The following HECTD2 variants were observed in gnomAD, a reference collection of about 807,000 sequenced individuals.
The protein encoded by HECTD2 is HECT domain E3 ubiquitin protein ligase 2, also known as probable E3 ubiquitin-protein ligase HECTD2.
A neutral mutation model predicts 103.2 loss-of-function variants in HECTD2; 35 were observed. That is an observed-to-expected ratio of 0.34 (90% CI 0.26 to 0.45). The LOEUF (loss-of-function observed/expected upper bound fraction) is 0.45. HECTD2 is among the 20% of genes least tolerant of loss of function. The pLI is 1.00. For missense variants in HECTD2, 596 were observed against 937.4 expected, an observed-to-expected ratio of 0.64 and a Z score of 4.76; for synonymous variants, 281 against 329.9, an observed-to-expected ratio of 0.85 and a Z score of 1.61.
chr10:91,449,763 G>T (rs1844715144), intron 2 of HECTD2, among the ~76,000 whole-genome samples: 1 of 151,636 alleles, frequency 6.6e-6, no homozygotes, highest in South Asian at 2.1e-4. Context: ...AATCATGAGT[G>T]ACCCCCATTC....
rs916181117 is a variant in HECTD2 at position 91,443,491 on chromosome 10, A to T, written c.269-16936A>T. Among the ~76,000 whole-genome samples the T allele has an allele frequency of 5.9e-5, 9 of 151,504 alleles. No homozygotes were observed. The East Asian group carries it at 1.7e-3, about 29-fold the overall frequency. On this transcript the variant is annotated intron_variant, in intron 2 of 20. Coordinates refer to ENST00000298068, the MANE Select transcript of HECTD2 (RefSeq NM_182765.6). Reference sequence around the variant, plus strand: ...GGGGCACCTGCCAGATGCCAGCTGGAGCTCCCCTGTATGTGGTGTTGGTCA... The same window carrying T: ...GGGGCACCTGCCAGATGCCAGCTGGTGCTCCCCTGTATGTGGTGTTGGTCA...
At chr10:91,504,079 A>T (rs975109263) in intron 20 of HECTD2, among the ~76,000 whole-genome samples, 7 of 152,144 alleles carry the variant, frequency 4.6e-5, no homozygotes, top group African/African-American at 1.7e-4. Flanking sequence ...GTCTGTTAGA[A>T]GGAAAACTAA....
intron 1 of HECTD2, among the ~76,000 whole-genome samples, chr10:91,412,217 G>C (rs2068725): frequency 0.014 from 2,197 of 152,254 alleles, 49 homozygotes; most frequent in African/African-American, 0.05. Flanking sequence ...AAGGGAAAAA[G>C]TCAGTAGCGT....
chr10:91,413,830 T>C (rs1020107094), intron 1 of HECTD2, among the ~76,000 whole-genome samples: 3 of 152,160 alleles, frequency 2.0e-5, no homozygotes, highest in African/African-American at 7.2e-5. Context: ...AGGCTCAAGA[T>C]GGAGCCCTCA....
chr10:91,483,023 G>C lies in HECTD2; in HGVS notation c.768G>C (p.Gln256His). The change falls in exon 8 of 21, where the codon CAG (glutamine) becomes CAC (histidine). Residue 256 changes from glutamine to histidine, a missense_variant. Gln to His is a conservative substitution (Grantham distance 24). Around this residue, in one of 4 missense-constraint regions of HECTD2, gnomAD observed 303 missense variants for 522.5 expected, o/e 0.58. Transcript: ENST00000298068. The part of the protein sequence containing the change: ...TYVIYAHLLR[Q>H]IATLVEADHH... ...TCATCTATGCTCACTTGCTACGACA[G>C]ATAGCTACCTTAGTGGAAGCTGACC... The C allele has an allele frequency of 1.3e-6, 2 of 1,592,854 alleles. No homozygotes were observed. The highest frequency in any genetic ancestry group is 1.7e-6 in the Non-Finnish European group (2 of 1,163,476).
At chr10:91,502,614 A>T (rs1035585035) in intron 20 of HECTD2, among the ~76,000 whole-genome samples, 14 of 152,150 alleles carry the variant, frequency 9.2e-5, no homozygotes, top group Admixed American at 8.5e-4. Context: ...ATATTTACAT[A>T]TATAATTAAA....
intron 20 of HECTD2, among the ~76,000 whole-genome samples, chr10:91,503,423 C>G (rs756931681): frequency 2.2e-4 from 33 of 152,300 alleles, no homozygotes; most frequent in South Asian, 1.2e-3. Flanking sequence ...GGTGCGCACA[C>G]CGTGCGCGAG....
chr10:91,491,443 C>G (rs898846616), intron 12 of HECTD2, 136 bp downstream of exon 12: 1 of 498,462 alleles, frequency 2.0e-6, no homozygotes, highest in African/African-American at 2.1e-5. Context: ...GATCTTGTTG[C>G]ATACCAAGCT....
intron 2 of HECTD2, 119 bp from the exon 3 acceptor site, chr10:91,460,308 A>G (rs931677851): frequency 2.2e-5 from 20 of 927,298 alleles, no homozygotes; most frequent in Non-Finnish European, 7.9e-6. Flanking sequence ...TTTAATCTCA[A>G]AGTGAATGTA....
chr10:91,513,382 C>T lies in HECTD2; in HGVS notation c.*998C>T, dbSNP rs1050498068. On this transcript the variant is annotated 3_prime_UTR_variant, in exon 21 of 21. Coordinates refer to ENST00000298068, the MANE Select transcript of HECTD2 (RefSeq NM_182765.6). ...GAAAAAGATAGGTTAAAGTATTTGA[C>T]AAAAGTGAATACAATAATAACACTT... The T allele has an allele frequency of 5.9e-5, 9 of 152,476 alleles. No homozygotes were observed. Among genetic ancestry groups the T allele is most frequent in the African/African-American group, 2.2e-4 (9 of 41,426 alleles). The allele number at this position is 152,476 out of a possible 1,614,324, so 9.4% of individuals were successfully genotyped here.
intron 10 of HECTD2, chr10:91,486,488 G>C (rs1190364083): frequency 6.6e-6 from 1 of 152,134 alleles, no homozygotes; most frequent in Non-Finnish European, 1.5e-5. Context: ...CCAAGAATGA[G>C]TTACATTAGG....
rs1295136067 is a variant in HECTD2, at chr10:91,512,446, T to TA, written c.*63dup. 4 of 1,413,234 alleles carry TA rather than the reference T, an allele frequency of 2.8e-6. No homozygotes were observed. In the African/African-American group the frequency reaches 5.7e-5, roughly 20 times the overall value. 87.5% of individuals were successfully genotyped at this position (1,413,234 alleles called of 1,614,324 possible). A position where few individuals can be genotyped will look rare whatever the true frequency, so the allele number is the denominator to read the frequency against. Reference sequence around the variant, plus strand: ...ATTCACTTCCCTCTTACTGTGCCTTTAGCCTTTTCATGTTTCTGTCTCAAA... The same window carrying TA: ...ATTCACTTCCCTCTTACTGTGCCTTTAAGCCTTTTCATGTTTCTGTCTCAAA... On this transcript the variant is annotated 3_prime_UTR_variant, in exon 21 of 21. Coordinates refer to ENST00000298068, the MANE Select transcript of HECTD2 (RefSeq NM_182765.6).
chr10:91,481,485 G>A (rs1375089243), intron 7 of HECTD2, among the ~76,000 whole-genome samples: 2 of 151,322 alleles, frequency 1.3e-5, no homozygotes, highest in Admixed American at 6.6e-5. Context: ...CCTGTTTCTT[G>A]TAACTAGTTT....
chr10:91,493,895 A>C (rs1169857752), intron 14 of HECTD2, among the ~76,000 whole-genome samples: 2 of 151,886 alleles, frequency 1.3e-5, no homozygotes, highest in Admixed American at 6.6e-5. Flanking sequence ...AAATTGGGGG[A>C]ATTAAATCTA....
rs532116159 is a variant in HECTD2 at position 91,476,053 on chromosome 10, A to G, written c.601-2148A>G. Among the ~76,000 whole-genome samples the G allele has an allele frequency of 1.1e-4, 16 of 152,348 alleles. No individual in the cohort carries two copies. In the South Asian group the frequency reaches 2.9e-3, roughly 28 times the overall value. On this transcript the variant is annotated intron_variant, in intron 5 of 20. Coordinates refer to ENST00000298068, the MANE Select transcript of HECTD2 (RefSeq NM_182765.6). ...TCCTTCAGAATTGGCCTCTGAGGGC[A>G]TAGAGCAAAGTGGAGAAGAACAGCA...
At chr10:91,445,945 C>CA (rs1844594272) in intron 2 of HECTD2, among the ~76,000 whole-genome samples, 1 of 151,998 alleles carries the variant, frequency 6.6e-6, no homozygotes, top group Admixed American at 6.6e-5. Flanking sequence ...GATTCAAGCA[C>CA]AAAACTGGGT....
chr10:91,413,666 T>C (rs1460296229), intron 1 of HECTD2, among the ~76,000 whole-genome samples: 1 of 152,222 alleles, frequency 6.6e-6, no homozygotes, highest in Non-Finnish European at 1.5e-5. Context: ...TATTTTTTAA[T>C]TACCATCTCC....
intron 20 of HECTD2, among the ~76,000 whole-genome samples, chr10:91,505,026 T>G (rs1004937605): frequency 1.3e-5 from 2 of 151,960 alleles, no homozygotes; most frequent in African/African-American, 4.8e-5. Flanking sequence ...CAAACTAAGC[T>G]TCATAAGTGA....
chr10:91,506,727 C>T (rs954280591), intron 20 of HECTD2, among the ~76,000 whole-genome samples: 1 of 151,976 alleles, frequency 6.6e-6, no homozygotes, highest in African/African-American at 2.4e-5. Context: ...CCTTCTGAAA[C>T]TATTCCAATC....
Sources: gnomAD v4.1 joint callset for allele counts (sites outside exome capture counted in the v4.1 genomes callset) on GRCh38, gnomAD v4.1.1 for gene constraint, gnomAD v4.1.1 regional missense constraint, MANE v1.5 for transcripts, NCBI Gene and HGNC (gene_info 2026-07-23, HGNC 2026-07-21) for gene names.